The following TRPS1 variants were observed in gnomAD, a reference collection of about 807,000 sequenced individuals.
The protein encoded by TRPS1 is zinc finger transcription factor Trps1.
TRPS1 carries 6 observed loss-of-function variants against 101.2 expected under a neutral mutation model. The ratio of observed to expected loss-of-function variants is 0.06; its 90% confidence interval spans 0.03 to 0.12. The LOEUF (loss-of-function observed/expected upper bound fraction) is 0.12, where lower values mean the gene tolerates loss of function less well. TRPS1 is among the 10% of genes least tolerant of loss of function. The pLI, the probability that TRPS1 is intolerant of heterozygous loss-of-function variation, is 1.00. For missense variants in TRPS1, 1,363 were observed against 1,567.0 expected, an observed-to-expected ratio of 0.87 and a Z score of 2.20; for synonymous variants, 578 against 589.8, an observed-to-expected ratio of 0.98 and a Z score of 0.29.
At chr8:115,443,374 A>G (rs1466810957) in intron 5 of TRPS1, among the ~76,000 whole-genome samples, 1 of 152,208 alleles carries the variant, frequency 6.6e-6, no homozygotes, top group Non-Finnish European at 1.5e-5. Context: ...TCACATGGCA[A>G]GACATAGCTG....
chr8:115,550,077 C>T (rs1053414319), intron 5 of TRPS1, among the ~76,000 whole-genome samples: 2 of 151,942 alleles, frequency 1.3e-5, no homozygotes, highest in African/African-American at 4.8e-5. Flanking sequence ...ATTAGCCAGG[C>T]GTGGTGGTGG....
At chr8:115,503,590 A>G (rs929621029) in intron 5 of TRPS1, among the ~76,000 whole-genome samples, 1 of 152,186 alleles carries the variant, frequency 6.6e-6, no homozygotes, top group Admixed American at 6.5e-5. Flanking sequence ...ATTCTGTTTT[A>G]TCTAAAAAAT....
intron 5 of TRPS1, among the ~76,000 whole-genome samples, chr8:115,447,004 C>A (rs573296329): frequency 6.6e-6 from 1 of 152,226 alleles, no homozygotes; most frequent in South Asian, 2.1e-4. Context: ...TACTTGTTTA[C>A]AAATATGTTT....
chr8:115,513,801 A>G (rs1205578815), intron 5 of TRPS1, among the ~76,000 whole-genome samples: 1 of 151,658 alleles, frequency 6.6e-6, no homozygotes, highest in Admixed American at 6.6e-5. Flanking sequence ...TCCTCTCAAC[A>G]GCACACTCCT....
chr8:115,577,927 G>A (rs1265551446), intron 5 of TRPS1, among the ~76,000 whole-genome samples: 1 of 152,138 alleles, frequency 6.6e-6, no homozygotes, highest in Non-Finnish European at 1.5e-5. Context: ...AGGGTAGCAG[G>A]AGCATCATCC....
intron 4 of TRPS1, among the ~76,000 whole-genome samples, chr8:115,595,099 G>GT (rs1214875853): frequency 6.6e-6 from 1 of 151,696 alleles, no homozygotes; most frequent in Non-Finnish European, 1.5e-5. Flanking sequence ...ACTTTCAGAG[G>GT]TTTTTTTTGG....
intron 5 of TRPS1, among the ~76,000 whole-genome samples, chr8:115,531,755 C>A (rs1816137191): frequency 6.6e-6 from 1 of 151,916 alleles, no homozygotes; most frequent in Non-Finnish European, 1.5e-5. Flanking sequence ...AAGTGAAGAG[C>A]CTTGTTTGGG....
chr8:115,662,499 A>G (rs1811825473), intron 1 of TRPS1, among the ~76,000 whole-genome samples: 1 of 152,004 alleles, frequency 6.6e-6, no homozygotes, highest in Non-Finnish European at 1.5e-5. Context: ...ACTAAACCCA[A>G]TAATTTCTGG....
intron 5 of TRPS1, among the ~76,000 whole-genome samples, chr8:115,456,558 T>C (rs1260456811): frequency 6.6e-6 from 1 of 152,202 alleles, no homozygotes; most frequent in African/African-American, 2.4e-5. Context: ...AAATATACTT[T>C]AGAAATTAAG....
intron 6 of TRPS1, among the ~76,000 whole-genome samples, chr8:115,416,754 G>A (rs1184324752): frequency 1.3e-5 from 2 of 151,916 alleles, no homozygotes; most frequent in Non-Finnish European, 2.9e-5. Context: ...AGATAACACA[G>A]TTGTTATTGA....
chr8:115,650,460 A>G (rs1346515982), intron 1 of TRPS1, among the ~76,000 whole-genome samples: 1 of 152,248 alleles, frequency 6.6e-6, no homozygotes, highest in Admixed American at 6.5e-5. Flanking sequence ...TCCCATGTCC[A>G]TAGAGATTGG....
chr8:115,590,012 G>C (rs1191215739), intron 4 of TRPS1, among the ~76,000 whole-genome samples: 1 of 152,114 alleles, frequency 6.6e-6, no homozygotes, highest in Non-Finnish European at 1.5e-5. Context: ...AGTTACTCGG[G>C]AGGCTGAGGC....
intron 5 of TRPS1, among the ~76,000 whole-genome samples, chr8:115,567,504 A>G (rs1817097084): frequency 6.6e-6 from 1 of 152,090 alleles, no homozygotes; most frequent in Non-Finnish European, 1.5e-5. Context: ...CCAAATTGAT[A>G]CCTCTCTATA....
At position 115,605,011 on chromosome 8, in the gene TRPS1, C is replaced by T; in HGVS notation, c.967-9G>A. 1 of 1,611,988 alleles carries T rather than the reference C, an allele frequency of 6.2e-7. No individual in the cohort carries two copies. The highest frequency in any genetic ancestry group is 8.5e-7 in the Non-Finnish European group (1 of 1,179,782). On this transcript the variant is annotated splice_polypyrimidine_tract_variant and intron_variant, in intron 3 of 6. Coordinates refer to ENST00000395715, the MANE Select transcript of TRPS1 (RefSeq NM_014112.5). ...GTTCCACCTGAAGTCACCTGGAGAA[C>T]AGAAGAAATGGACTTTACTTCCAAG... is the stretch of plus-strand genomic sequence containing the variant.
intron 5 of TRPS1, among the ~76,000 whole-genome samples, chr8:115,503,466 G>A (rs1326301107): frequency 6.6e-6 from 1 of 151,950 alleles, no homozygotes; most frequent in East Asian, 1.9e-4. Flanking sequence ...AAAAATACCA[G>A]AATTATTAAA....
chr8:115,512,187 A>G (rs1815602521), intron 5 of TRPS1, among the ~76,000 whole-genome samples: 1 of 151,766 alleles, frequency 6.6e-6, no homozygotes, highest in Admixed American at 6.6e-5. Context: ...CAGCATGAGG[A>G]CAATTTTTTA....
chr8:115,592,075 G>A (rs1450128210), intron 4 of TRPS1, among the ~76,000 whole-genome samples: 5 of 152,156 alleles, frequency 3.3e-5, no homozygotes, highest in African/African-American at 4.8e-5. Flanking sequence ...CACAGGGGAT[G>A]GAAAAGGTCT....
chr8:115,601,049 C>G (rs1298136506), intron 4 of TRPS1, among the ~76,000 whole-genome samples: 1 of 152,086 alleles, frequency 6.6e-6, no homozygotes, highest in Admixed American at 6.6e-5. Context: ...GCAACAGAAT[C>G]GACACTGAGG....
rs561797671 is a variant in TRPS1 at position 115,418,016 on chromosome 8, C to T, written c.2823+314G>A. 1.9e-4 allele frequency among the ~76,000 whole-genome samples: 29 copies of T among 152,238 alleles called. No individual in the cohort carries two copies. Among genetic ancestry groups the T allele is most frequent in the African/African-American group, 6.7e-4 (28 of 41,532 alleles). On this transcript the variant is annotated intron_variant, in intron 6 of 6. Transcript: ENST00000395715. This position sits in a 1 kb window ranked among gnomAD's most constrained non-coding sequence, Gnocchi z 4.3. ...TTTCTGAAACTTCTAAAAATTTTCT[C>T]CTTTTTACCTAAAATAATTTCATTG... is the stretch of plus-strand genomic sequence containing the variant.
Sources: allele counts gnomAD v4.1 joint callset (sites outside exome capture counted in the v4.1 genomes callset), GRCh38; gene constraint gnomAD v4.1.1; non-coding constraint Gnocchi (gnomAD v3.1); transcripts MANE v1.5; gene names NCBI Gene and HGNC (gene_info 2026-07-23, HGNC 2026-07-21).